The following SUCLG2 variants were observed in gnomAD, a reference collection of about 807,000 sequenced individuals.
SUCLG2 encodes succinate--CoA ligase [GDP-forming] subunit beta, mitochondrial.
A neutral mutation model predicts 47.9 loss-of-function variants in SUCLG2; 42 were observed. The observed-to-expected ratio is 0.88, with a 90% CI of 0.69 to 1.14. The LOEUF is 1.14. Among genes scored for constraint, SUCLG2 ranks in the 50% most tolerant of loss-of-function variants. The pLI is 0.00. For missense variants in SUCLG2, 571 were observed against 525.9 expected, an observed-to-expected ratio of 1.09 and a Z score of -0.84; for synonymous variants, 195 against 197.3, an observed-to-expected ratio of 0.99 and a Z score of 0.10.
intron 2 of SUCLG2, among the ~76,000 whole-genome samples, chr3:67,575,210 A>G (rs1707714665): frequency 6.6e-6 from 1 of 152,256 alleles, no homozygotes; most frequent in Non-Finnish European, 1.5e-5. Context: ...TATCTATTCA[A>G]GAGAAATGAA....
intron 9 of SUCLG2, among the ~76,000 whole-genome samples, chr3:67,477,775 T>C (rs1704805893): frequency 6.6e-6 from 1 of 152,166 alleles, no homozygotes; most frequent in Admixed American, 6.5e-5. Context: ...TTAGGAATTA[T>C]CTCTCTTTTG....
rs1702021341 is a variant in SUCLG2 at position 67,375,702 on chromosome 3, G to A, written c.*42C>T. The A allele has an allele frequency of 1.3e-5, 20 of 1,572,982 alleles. No individual in the cohort carries two copies. Among genetic ancestry groups the A allele is most frequent in the African/African-American group, 2.7e-5 (2 of 73,836 alleles). ...ACAATGATGAACCATCCCTTTTTAC[G>A]GAAAAATGGCTTTCTTTCTCCATTG... On this transcript the variant is annotated 3_prime_UTR_variant, in exon 11 of 11. Coordinates refer to ENST00000307227, the MANE Select transcript of SUCLG2 (RefSeq NM_003848.4).
At chr3:67,392,203 G>A (rs543118287) in intron 10 of SUCLG2, among the ~76,000 whole-genome samples, 1 of 152,052 alleles carries the variant, frequency 6.6e-6, no homozygotes, top group African/African-American at 2.4e-5. Flanking sequence ...ACTAGGACCA[G>A]TTTCACTTCA....
At chr3:67,389,094 T>C (rs1397067298) in intron 10 of SUCLG2, among the ~76,000 whole-genome samples, 1 of 151,966 alleles carries the variant, frequency 6.6e-6, no homozygotes, top group Non-Finnish European at 1.5e-5. Context: ...ACTGAGTAGG[T>C]ACCGAGTCAA....
chr3:67,423,125 G>T (rs1703211871), intron 9 of SUCLG2, among the ~76,000 whole-genome samples: 1 of 152,124 alleles, frequency 6.6e-6, no homozygotes, highest in Admixed American at 6.5e-5. Flanking sequence ...ACGTATCAAG[G>T]TTGGGACCAG....
chr3:67,406,490 A>C (rs778614434), intron 9 of SUCLG2, among the ~76,000 whole-genome samples: 13 of 152,234 alleles, frequency 8.5e-5, no homozygotes, highest in Admixed American at 1.3e-4. Flanking sequence ...AGGCAGAGAC[A>C]TTTAAGCTAG....
chr3:67,643,188 G>C (rs983981464), intron 1 of SUCLG2, among the ~76,000 whole-genome samples: 1 of 152,150 alleles, frequency 6.6e-6, no homozygotes, highest in African/African-American at 2.4e-5. Flanking sequence ...TGAACTTTGT[G>C]GTGAAAGGAG....
intron 2 of SUCLG2, among the ~76,000 whole-genome samples, chr3:67,600,952 T>C (rs1708405759): frequency 2.0e-5 from 3 of 152,324 alleles, no homozygotes; most frequent in East Asian, 1.9e-4. Context: ...GGGCAGCTCA[T>C]GTGCTTCAGA....
In SUCLG2 at chr3:67,547,644, C is replaced by T. The variant is rs184445487; in HGVS notation, c.227-18458G>A. On this transcript the variant is annotated intron_variant, in intron 2 of 10. Coordinates refer to ENST00000307227, the MANE Select transcript of SUCLG2 (RefSeq NM_003848.4). Reference sequence around the variant, plus strand: ...TACCCTAGAAGAATTTCCCAGGATACCTGTCCAAAAAGCTAAAAACAGAAT... The same window carrying T: ...TACCCTAGAAGAATTTCCCAGGATATCTGTCCAAAAAGCTAAAAACAGAAT... Among the ~76,000 whole-genome samples the T allele has an allele frequency of 2.6e-3, 397 of 152,184 alleles. 4 individuals carry two copies. Among genetic ancestry groups the T allele is most frequent in the Middle Eastern group, 6.8e-3 (2 of 294 alleles).
At chr3:67,498,602 C>T (rs73836533) in intron 7 of SUCLG2, among the ~76,000 whole-genome samples, 3,990 of 152,264 alleles carry the variant, frequency 0.026, 99 homozygotes, top group African/African-American at 0.067. Context: ...TTCATAGATA[C>T]AGCTTTGATT....
At chr3:67,433,221 C>G (rs746519981) in intron 9 of SUCLG2, among the ~76,000 whole-genome samples, 1 of 152,140 alleles carries the variant, frequency 6.6e-6, no homozygotes, top group Non-Finnish European at 1.5e-5. Context: ...ATTTGAAAAA[C>G]CCTAAAGTTG....
At chr3:67,409,615 A>G (rs960622133) in intron 9 of SUCLG2, among the ~76,000 whole-genome samples, 4 of 152,186 alleles carry the variant, frequency 2.6e-5, no homozygotes, top group Non-Finnish European at 5.9e-5. Context: ...ATATTTACAC[A>G]TAATTACACA....
chr3:67,614,733 T>G (rs1486865611), intron 1 of SUCLG2, among the ~76,000 whole-genome samples: 1 of 152,018 alleles, frequency 6.6e-6, no homozygotes, highest in Non-Finnish European at 1.5e-5. Flanking sequence ...ATACTGGGGT[T>G]TCAAGATATA....
chr3:67,404,730 C>G (rs894506852), intron 9 of SUCLG2, among the ~76,000 whole-genome samples: 10 of 152,286 alleles, frequency 6.6e-5, no homozygotes, highest in Admixed American at 4.6e-4. Context: ...AGGTTTAACT[C>G]TGGGCCAACT....
intron 2 of SUCLG2, among the ~76,000 whole-genome samples, chr3:67,593,385 G>T (rs986868464): frequency 6.6e-6 from 1 of 151,408 alleles, no homozygotes; most frequent in Non-Finnish European, 1.5e-5. Context: ...ATATTCAATT[G>T]GTCTAACACA....
At chr3:67,600,347 G>GA (rs1200984003) in intron 2 of SUCLG2, among the ~76,000 whole-genome samples, 2 of 152,084 alleles carry the variant, frequency 1.3e-5, no homozygotes, top group East Asian at 1.9e-4. Flanking sequence ...AAAAAAAGAA[G>GA]AAAAAAAGAA....
chr3:67,612,964 C>G (rs1700558012), intron 1 of SUCLG2, among the ~76,000 whole-genome samples: 1 of 152,214 alleles, frequency 6.6e-6, no homozygotes, highest in Non-Finnish European at 1.5e-5. Flanking sequence ...ACAAAAGACA[C>G]TGGTGAACAG....
intron 2 of SUCLG2, among the ~76,000 whole-genome samples, chr3:67,569,492 T>C (rs1259677301): frequency 2.6e-5 from 4 of 152,224 alleles, no homozygotes; most frequent in Admixed American, 6.5e-5. Context: ...GGCTGGACTT[T>C]GGCCTCAGTG....
chr3:67,361,186 CAA>C (rs1215289252), intron 10 of SUCLG2, among the ~76,000 whole-genome samples: 1 of 151,498 alleles, frequency 6.6e-6, no homozygotes, highest in Non-Finnish European at 1.5e-5. Context: ...AAAAATCACT[CAA>C]GAGTCTTTTG....
Sources: gnomAD v4.1 joint callset for allele counts (sites outside exome capture counted in the v4.1 genomes callset) on GRCh38, gnomAD v4.1.1 for gene constraint, MANE v1.5 for transcripts, NCBI Gene and HGNC (gene_info 2026-07-23, HGNC 2026-07-21) for gene names.